VSTM4: variants seen among roughly 807,000 people sequenced by gnomAD.
The protein encoded by VSTM4 is V-set and transmembrane domain containing 4, also known as V-set and transmembrane domain-containing protein 4.
VSTM4 carries 20 observed loss-of-function variants against 36.4 expected under a neutral mutation model. The ratio of observed to expected loss-of-function variants is 0.55; its 90% confidence interval spans 0.39 to 0.80. VSTM4 has a LOEUF of 0.80. Ranked by LOEUF, VSTM4 falls within the 30% of genes least tolerant of loss-of-function variation. VSTM4 has a pLI of 0.00. For synonymous variants in VSTM4, 182 were observed against 173.9 expected, an observed-to-expected ratio of 1.05 and a Z score of -0.37; for missense variants, 392 against 404.5, an observed-to-expected ratio of 0.97 and a Z score of 0.26.
At chr10:49,066,417 T>C (rs895732498) in intron 4 of VSTM4, among the ~76,000 whole-genome samples, 1 of 152,224 alleles carries the variant, frequency 6.6e-6, no homozygotes, top group African/African-American at 2.4e-5. Flanking sequence ...CCTAATCCAA[T>C]TGTCATCTGG....
chr10:49,049,051 G>A (rs1590085952), intron 5 of VSTM4, among the ~76,000 whole-genome samples: 1 of 152,178 alleles, frequency 6.6e-6, no homozygotes, highest in East Asian at 1.9e-4. Flanking sequence ...ATAATCCAAA[G>A]GCAAACATCT....
chr10:49,091,148 T>A (rs1318921910), intron 2 of VSTM4, among the ~76,000 whole-genome samples: 5 of 152,126 alleles, frequency 3.3e-5, no homozygotes, highest in Non-Finnish European at 4.4e-5. Context: ...GGTCTCACAG[T>A]GGAGGGAGGG....
intron 3 of VSTM4, among the ~76,000 whole-genome samples, chr10:49,083,564 C>G (rs545523803): frequency 2.0e-4 from 31 of 152,354 alleles, no homozygotes; most frequent in South Asian, 2.1e-4. Flanking sequence ...TGCTCTGAGG[C>G]AGGCACTACA....
At chr10:49,048,414 C>T in intron 6 of VSTM4, 64 bp downstream of exon 6, 2 of 1,435,756 alleles carry the variant, frequency 1.4e-6, no homozygotes, top group Admixed American at 4.9e-5. Flanking sequence ...CAACATGGAA[C>T]CCCAGACCCA....
rs1234325737 is a variant in VSTM4, at chr10:49,014,946, A to G, written c.*4704T>C. On this transcript the variant is annotated 3_prime_UTR_variant, in exon 8 of 8. Coordinates refer to ENST00000332853, the MANE Select transcript of VSTM4 (RefSeq NM_001031746.5). ...GCTGTCAGGGCTTTGGCTGTGACCT[A>G]TGCCCTGAGGACACCCCCTTTCCCG... The G allele has an allele frequency of 2.6e-5, 4 of 152,358 alleles. No homozygotes were observed. Among genetic ancestry groups the G allele is most frequent in the African/African-American group, 4.8e-5 (2 of 41,392 alleles). The allele number at this position is 152,358 out of a possible 1,614,324, so 9.4% of individuals were successfully genotyped here.
intron 5 of VSTM4, among the ~76,000 whole-genome samples, chr10:49,050,545 C>G (rs188127068): frequency 6.6e-6 from 1 of 152,052 alleles, no homozygotes; most frequent in Non-Finnish European, 1.5e-5. Flanking sequence ...TTATTGGGAA[C>G]GGAGATTCTA....
intron 6 of VSTM4, among the ~76,000 whole-genome samples, chr10:49,048,116 CAAG>C (rs1353519488): frequency 5.9e-5 from 9 of 152,292 alleles, no homozygotes; most frequent in Admixed American, 5.9e-4. Flanking sequence ...TTGAATGAAC[CAAG>C]AAGACTTCCT....
intron 7 of VSTM4, among the ~76,000 whole-genome samples, chr10:49,032,311 G>A (rs1190218563): frequency 6.6e-6 from 1 of 152,062 alleles, no homozygotes; most frequent in East Asian, 1.9e-4. Context: ...TGTAGAGCCG[G>A]CCTCTGACCA....
At chr10:49,102,137 T>A (rs1200224708) in intron 2 of VSTM4, 1 of 148,820 alleles carries the variant, frequency 6.7e-6, no homozygotes, top group Non-Finnish European at 1.5e-5. Context: ...GTTTTTGCAT[T>A]GTTTGACTCT....
intron 2 of VSTM4, among the ~76,000 whole-genome samples, chr10:49,097,780 A>C (rs576895380): frequency 1.1e-4 from 16 of 152,346 alleles, no homozygotes; most frequent in African/African-American, 3.6e-4. Flanking sequence ...TGAAATTGTC[A>C]TCTCATTTCA....
In VSTM4 at chr10:49,077,230, C is replaced by T. The variant is rs773896547; in HGVS notation, c.623G>A (p.Arg208Gln). Reference protein sequence around the residue: ...VIVWQSVFNKRKSRVRHYLVK... With the variant: ...VIVWQSVFNKQKSRVRHYLVK... ...ATCTGTTTTCTTACCTCTGGATTTC[C>T]GCTTGTTAAACACAGACTGCCAGAC... Residue 208 changes from arginine (R) to glutamine (Q), a missense_variant, in exon 4 of 8, where the codon CGG becomes CAG. Transcript: ENST00000332853. The T allele has an allele frequency of 5.1e-5, 83 of 1,613,890 alleles. No homozygotes were observed. The East Asian group carries it at 1.5e-3, about 29-fold the overall frequency.
chr10:49,021,134 T>A (rs1291514317), intron 7 of VSTM4, among the ~76,000 whole-genome samples: 1 of 150,842 alleles, frequency 6.6e-6, no homozygotes, highest in African/African-American at 2.5e-5. Flanking sequence ...TCAAATCTAG[T>A]GATATTAACA....
intron 5 of VSTM4, among the ~76,000 whole-genome samples, chr10:49,054,223 C>G (rs1324388890): frequency 2.0e-5 from 3 of 152,202 alleles, no homozygotes; most frequent in Non-Finnish European, 4.4e-5. Context: ...AACACTGGAA[C>G]AGGAACAAGG....
chr10:49,107,564 A>T (rs1439354291), intron 2 of VSTM4, 30 bp downstream of exon 2: 1 of 1,568,110 alleles, frequency 6.4e-7, no homozygotes, highest in Non-Finnish European at 8.7e-7. Context: ...CCCCACCACC[A>T]CCTCTACCCA....
rs1844807137 is a variant in VSTM4, at chr10:49,107,624, A to G, written c.427T>C (p.Ser143Pro). 1.9e-6 allele frequency: 3 copies of G among 1,612,238 alleles called. No homozygotes were observed. The highest frequency in any genetic ancestry group is 2.5e-6 in the Non-Finnish European group (3 of 1,178,524). ...SRHRNKWTAW[S>P]NGSSATEMRV... ...ATTTCCGTGGCTGAGGAGCCATTGG[A>G]CCAGGCCGTCCACTTGTTCCTGTGC... is the stretch of plus-strand genomic sequence containing the variant. Residue 143 changes from serine (S) to proline (P), a missense_variant, in exon 2 of 8, where the codon TCC (serine) becomes CCC (proline). By Grantham distance (74) the Ser-to-Pro change is moderately conservative (BLOSUM62 -1). Coordinates refer to ENST00000332853, the MANE Select transcript of VSTM4 (RefSeq NM_001031746.5).
intron 2 of VSTM4, among the ~76,000 whole-genome samples, chr10:49,099,101 C>G (rs2132016370): frequency 6.6e-6 from 1 of 152,302 alleles, no homozygotes; most frequent in South Asian, 2.1e-4. Flanking sequence ...GTTCCCAAAG[C>G]TGACTGTGTA....
chr10:49,077,182 G>T (rs916310793), intron 4 of VSTM4, 37 bp downstream of exon 4: 1 of 1,600,060 alleles, frequency 6.2e-7, no homozygotes, highest in African/African-American at 1.3e-5. Flanking sequence ...GTCGGGGTGT[G>T]CTCCCATCCC....
chr10:49,093,287 C>T (rs1844511154), intron 2 of VSTM4, among the ~76,000 whole-genome samples: 1 of 152,134 alleles, frequency 6.6e-6, no homozygotes, highest in African/African-American at 2.4e-5. Flanking sequence ...AGCTCCTGCC[C>T]ATCTGTATGC....
intron 5 of VSTM4, among the ~76,000 whole-genome samples, chr10:49,057,801 G>A (rs528219850): frequency 8.5e-5 from 13 of 152,180 alleles, no homozygotes; most frequent in African/African-American, 1.2e-4. Flanking sequence ...CAGAGGGAGG[G>A]CACAAGCATG....
Sources: allele counts gnomAD v4.1 joint callset (sites outside exome capture counted in the v4.1 genomes callset), GRCh38; gene constraint gnomAD v4.1.1; transcripts MANE v1.5; gene names NCBI Gene and HGNC (gene_info 2026-07-23, HGNC 2026-07-21).